DPYSL3: variants seen among roughly 807,000 people sequenced by gnomAD.
The protein encoded by DPYSL3 is dihydropyrimidinase-related protein 3.
Under a neutral mutation model 66.1 loss-of-function variants are expected in DPYSL3, and 16 were observed. That is an observed-to-expected ratio of 0.24 (90% CI 0.16 to 0.37). The LOEUF (loss-of-function observed/expected upper bound fraction) is 0.37. DPYSL3 is among the 10% of genes least tolerant of loss of function. The probability of loss-of-function intolerance (pLI) is 1.00; values close to 1 mark genes in which losing one functional copy is unlikely to be tolerated. For missense variants in DPYSL3, 738 were observed against 916.2 expected (o/e 0.81, Z 2.51); for synonymous variants, 338 against 345.1 (o/e 0.98, Z 0.23).
In DPYSL3 at chr5:147,392,167, C is replaced by T. The variant is rs997145717; in HGVS notation, c.*1868G>A. 3 of 152,190 alleles carry T rather than the reference C, an allele frequency of 2.0e-5. No homozygotes were observed. Among genetic ancestry groups the T allele is most frequent in the Non-Finnish European group, 4.4e-5 (3 of 68,038 alleles). The allele number at this position is 152,190 out of a possible 1,614,324, so 9.4% of individuals were successfully genotyped here. Reference sequence around the variant, plus strand: ...TTATTCTTAGTTCTCTGAAAGACCCCCACATCTTTGAAGTGTAAACTAAGA... The same window carrying T: ...TTATTCTTAGTTCTCTGAAAGACCCTCACATCTTTGAAGTGTAAACTAAGA... On this transcript the variant is annotated 3_prime_UTR_variant, in exon 14 of 14. Transcript: ENST00000343218.
Position 147,509,350 on chromosome 5 carries a change from A to G in DPYSL3, c.381+128T>C. 2 of 1,265,052 alleles carry G rather than the reference A, an allele frequency of 1.6e-6. No homozygotes were observed. Among genetic ancestry groups the G allele is most frequent in the Non-Finnish European group, 2.1e-6 (2 of 947,914 alleles). The allele number at this position is 1,265,052 out of a possible 1,614,324, so 78.4% of individuals were successfully genotyped here. ...GTCGCGCTACGCTCAGTGGAGGATGACCCTTTCCTCCTCCTTGTCCCCCAG... is the reference window on the plus strand; with the variant it reads ...GTCGCGCTACGCTCAGTGGAGGATGGCCCTTTCCTCCTCCTTGTCCCCCAG... On this transcript the variant is annotated intron_variant, in intron 1 of 13. Coordinates refer to ENST00000343218, the MANE Select transcript of DPYSL3 (RefSeq NM_001197294.2). This position sits in a 1 kb window ranked among gnomAD's most constrained non-coding sequence, Gnocchi z 5.3.
chr5:147,469,893 G>A (rs1753060085), intron 1 of DPYSL3, among the ~76,000 whole-genome samples: 1 of 152,214 alleles, frequency 6.6e-6, no homozygotes, highest in Non-Finnish European at 1.5e-5. Context: ...CCCCTTTGGT[G>A]CACCATCTTG....
intron 1 of DPYSL3, among the ~76,000 whole-genome samples, chr5:147,428,495 G>T (rs1271013650): frequency 6.6e-6 from 1 of 151,880 alleles, no homozygotes; most frequent in Non-Finnish European, 1.5e-5. Flanking sequence ...GTGAGCGTGG[G>T]GTATGACATA....
At chr5:147,416,875 G>A (rs751194776) in intron 3 of DPYSL3, among the ~76,000 whole-genome samples, 1 of 152,086 alleles carries the variant, frequency 6.6e-6, no homozygotes, top group Non-Finnish European at 1.5e-5. Flanking sequence ...TGGATGACTA[G>A]GAATCCACTT....
At chr5:147,495,535 G>A (rs1460621546) in intron 1 of DPYSL3, among the ~76,000 whole-genome samples, 1 of 152,146 alleles carries the variant, frequency 6.6e-6, no homozygotes, top group Non-Finnish European at 1.5e-5. Context: ...AAGCTGATAA[G>A]CAACTTCAGC....
intron 1 of DPYSL3, among the ~76,000 whole-genome samples, chr5:147,477,606 C>T (rs536871810): frequency 6.7e-4 from 73 of 109,652 alleles, no homozygotes; most frequent in Non-Finnish European, 1.0e-3. Flanking sequence ...GACGGAGTCT[C>T]GCTCTGTCGC....
At chr5:147,439,993 A>T (rs182703131) in intron 1 of DPYSL3, among the ~76,000 whole-genome samples, 1 of 152,314 alleles carries the variant, frequency 6.6e-6, no homozygotes, top group Admixed American at 6.5e-5. Flanking sequence ...AAAGTGCTTC[A>T]TAGTTCCCAT....
chr5:147,445,777 CT>C (rs1439406468), intron 1 of DPYSL3, among the ~76,000 whole-genome samples: 1 of 152,262 alleles, frequency 6.6e-6, no homozygotes, highest in South Asian at 2.1e-4. Context: ...CAATTATCGC[CT>C]TCATGCCCTT....
chr5:147,507,169 G>T (rs1753694177), intron 1 of DPYSL3, among the ~76,000 whole-genome samples: 1 of 152,104 alleles, frequency 6.6e-6, no homozygotes, highest in South Asian at 2.1e-4. Flanking sequence ...GCTGAGAGTT[G>T]GGGGTTGTTT....
At chr5:147,450,028 C>T (rs1752697029) in intron 1 of DPYSL3, among the ~76,000 whole-genome samples, 1 of 152,116 alleles carries the variant, frequency 6.6e-6, no homozygotes, top group South Asian at 2.1e-4. Flanking sequence ...CTACCAATGT[C>T]AAGTAACAGC....
intron 1 of DPYSL3, among the ~76,000 whole-genome samples, chr5:147,455,173 T>C (rs1434593509): frequency 6.6e-6 from 1 of 152,186 alleles, no homozygotes; most frequent in East Asian, 1.9e-4. Context: ...AAAGAAACTA[T>C]ATAAGGCATC....
chr5:147,481,014 G>C (rs968548122), intron 1 of DPYSL3, among the ~76,000 whole-genome samples: 1 of 151,942 alleles, frequency 6.6e-6, no homozygotes, highest in Non-Finnish European at 1.5e-5. Flanking sequence ...GAGCCACCAC[G>C]CCTGGCCATA....
chr5:147,391,318 G>C lies in DPYSL3; in HGVS notation c.*2717C>G, dbSNP rs944192267. 2 of 152,646 alleles carry C rather than the reference G, an allele frequency of 1.3e-5. No homozygotes were observed. The highest frequency in any genetic ancestry group is 2.9e-5 in the Non-Finnish European group (2 of 68,040). 9.5% of individuals were successfully genotyped at this position (152,646 alleles called of 1,614,324 possible). A position where few individuals can be genotyped will look rare whatever the true frequency, so the allele number is the denominator to read the frequency against. ...GATGACTACAATCCTTCCACTTCTAGAAAACTTAGAAGTACAAGAAATAGC... is the reference window on the plus strand; with the variant it reads ...GATGACTACAATCCTTCCACTTCTACAAAACTTAGAAGTACAAGAAATAGC... On this transcript the variant is annotated 3_prime_UTR_variant, in exon 14 of 14. Coordinates refer to ENST00000343218, the MANE Select transcript of DPYSL3 (RefSeq NM_001197294.2).
intron 1 of DPYSL3, among the ~76,000 whole-genome samples, chr5:147,428,943 A>G (rs925986792): frequency 7.2e-5 from 11 of 152,266 alleles, no homozygotes; most frequent in African/African-American, 2.4e-4. Context: ...CATCCCGTAC[A>G]TGTATCCCAG....
At chr5:147,426,039 ATCC>A (rs537694037) in intron 1 of DPYSL3, among the ~76,000 whole-genome samples, 418 of 152,222 alleles carry the variant, frequency 2.7e-3, no homozygotes, top group Non-Finnish European at 4.5e-3. Flanking sequence ...CCATCCATCC[ATCC>A]ATTCATCCAT....
At chr5:147,453,777 TC>T in intron 1 of DPYSL3, 1 of 1,257,518 alleles carries the variant, frequency 8.0e-7, no homozygotes, top group South Asian at 2.7e-5. Context: ...ATAGTAAATC[TC>T]CCCGGTCCCC....
Position 147,435,119 on chromosome 5 carries a change from G to A in DPYSL3, c.382-10156C>T, listed in dbSNP as rs901083270. On this transcript the variant is annotated intron_variant, in intron 1 of 13. Transcript: ENST00000343218. Reference sequence around the variant, plus strand: ...AATTAAGAAAGGTGGGGGGAAGAGAGAGAGAGAGGAGAGAGGCAGGCAGAA... The same window carrying A: ...AATTAAGAAAGGTGGGGGGAAGAGAAAGAGAGAGGAGAGAGGCAGGCAGAA... Among the ~76,000 whole-genome samples the A allele has an allele frequency of 5.9e-5, 9 of 152,154 alleles. 1 individual carries two copies. Among genetic ancestry groups the A allele is most frequent in the Admixed American group, 3.9e-4 (6 of 15,282 alleles).
In DPYSL3 at chr5:147,505,889, T is replaced by C. The variant is rs141368902; in HGVS notation, c.381+3589A>G. Among the ~76,000 whole-genome samples, 37 of 152,274 alleles carry C rather than the reference T, an allele frequency of 2.4e-4. No homozygotes were observed. The East Asian group carries it at 6.4e-3, about 26-fold the overall frequency. ...GCTGACACGACGGCCAGGCTGGTCA[T>C]ATTAAAATAAGGAAGCAGCCTCCCC... On this transcript the variant is annotated intron_variant, in intron 1 of 13. Transcript: ENST00000343218.
At chr5:147,447,559 A>T (rs1158811309) in intron 1 of DPYSL3, among the ~76,000 whole-genome samples, 1 of 152,186 alleles carries the variant, frequency 6.6e-6, no homozygotes, top group Non-Finnish European at 1.5e-5. Flanking sequence ...ACCAGGGAGC[A>T]GTTCGCCTCT....
Sources: allele counts gnomAD v4.1 joint callset (sites outside exome capture counted in the v4.1 genomes callset), GRCh38; gene constraint gnomAD v4.1.1; non-coding constraint Gnocchi (gnomAD v3.1); transcripts MANE v1.5; gene names NCBI Gene and HGNC (gene_info 2026-07-23, HGNC 2026-07-21).